The following AK5 variants were observed in gnomAD, a reference collection of about 807,000 sequenced individuals.
AK5 encodes the protein adenylate kinase 5, also known as adenylate kinase isoenzyme 5.
A neutral mutation model predicts 69.5 loss-of-function variants in AK5; 27 were observed. That is an observed-to-expected ratio of 0.39 (90% CI 0.29 to 0.54). The LOEUF is 0.54. Among genes scored for constraint, AK5 ranks in the 20% least tolerant of loss-of-function variants. The pLI, the probability that AK5 is intolerant of heterozygous loss-of-function variation, is 0.71. For missense variants in AK5, 531 were observed against 700.4 expected (o/e 0.76, Z 2.73); for synonymous variants, 260 against 244.4 (o/e 1.06, Z -0.60).
At position 77,521,926 on chromosome 1, in the gene AK5, G is replaced by A. The variant is rs536878720; in HGVS notation, c.1411G>A (p.Glu471Lys). The A allele has an allele frequency of 6.2e-7, 1 of 1,611,884 alleles. No homozygotes were observed. Among genetic ancestry groups the A allele is most frequent in the Non-Finnish European group, 8.5e-7 (1 of 1,179,104 alleles). ...CTATCCTCGGGAGGTGAAGCAAGGG[G>A]AAGAGTTCGGACGCAGGGTGAGTGG... ...DGYPREVKQGEEFGRRIGDPQ... is the reference protein window; with the variant it reads ...DGYPREVKQGKEFGRRIGDPQ... Residue 471 changes from glutamate (E) to lysine (K), a missense_variant, in exon 12 of 14, where the codon GAA (glutamate) becomes AAA (lysine). Transcript: ENST00000354567.
At chr1:77,387,895 A>T (rs1050584532) in intron 6 of AK5, among the ~76,000 whole-genome samples, 1 of 152,206 alleles carries the variant, frequency 6.6e-6, no homozygotes, top group East Asian at 1.9e-4. Context: ...TTTGTTTAAG[A>T]CTGGCTTTCC....
intron 8 of AK5, among the ~76,000 whole-genome samples, chr1:77,442,924 A>AT (rs547786406): frequency 6.6e-6 from 1 of 152,012 alleles, no homozygotes; most frequent in Non-Finnish European, 1.5e-5. Context: ...GGTTTGCAGA[A>AT]TTTTTTTATT....
At chr1:77,419,274 T>C (rs1411084183) in intron 8 of AK5, among the ~76,000 whole-genome samples, 1 of 152,052 alleles carries the variant, frequency 6.6e-6, no homozygotes, top group Non-Finnish European at 1.5e-5. Flanking sequence ...TGCTGACCCA[T>C]AAGACTCCAG....
At chr1:77,509,744 G>A (rs1053620124) in intron 10 of AK5, among the ~76,000 whole-genome samples, 4 of 152,342 alleles carry the variant, frequency 2.6e-5, no homozygotes, top group Middle Eastern at 3.4e-3. Context: ...CTTTAAAGGT[G>A]TTAAAACAGT....
chr1:77,492,636 CA>C (rs1656066603), intron 10 of AK5, among the ~76,000 whole-genome samples: 1 of 152,176 alleles, frequency 6.6e-6, no homozygotes, highest in Non-Finnish European at 1.5e-5. Context: ...AGGAAGATGT[CA>C]GGGGGAAAAT....
chr1:77,311,201 C>T (rs977347305), intron 5 of AK5, among the ~76,000 whole-genome samples: 4 of 152,124 alleles, frequency 2.6e-5, no homozygotes, highest in African/African-American at 9.7e-5. Flanking sequence ...CAACTTAGAA[C>T]ATTCCTTTAC....
chr1:77,284,583 TA>T (rs1330546821), intron 1 of AK5, among the ~76,000 whole-genome samples: 9 of 152,246 alleles, frequency 5.9e-5, no homozygotes, highest in Non-Finnish European at 1.3e-4. Flanking sequence ...TAGACTTTTT[TA>T]AACCCACTTT....
intron 11 of AK5, among the ~76,000 whole-genome samples, chr1:77,521,228 A>C (rs1657965569): frequency 1.3e-5 from 2 of 151,478 alleles, no homozygotes; most frequent in Admixed American, 6.6e-5. Flanking sequence ...CCACCTCCCG[A>C]GTTCAAGCGA....
chr1:77,408,843 A>G (rs929340425), intron 6 of AK5, among the ~76,000 whole-genome samples: 2 of 152,100 alleles, frequency 1.3e-5, no homozygotes, highest in Non-Finnish European at 1.5e-5. Flanking sequence ...TTTGTTATAC[A>G]TATTATTTCA....
rs142649086 is a variant in AK5, at chr1:77,538,360, CA to C, written c.1620+2334del. Among the ~76,000 whole-genome samples the C allele has an allele frequency of 8.7e-3, 1,264 of 144,558 alleles. 8 individuals are homozygous for C. Among genetic ancestry groups the C allele is most frequent in the African/African-American group, 0.021 (806 of 38,412 alleles). The allele number at this position is 144,558 out of a possible 152,430, so 94.8% of individuals were successfully genotyped here. ...TCTCAAAAAAAAACAACAACAACAA[CA>C]AAAAAAAAAAACATAAACAAAAGTG... On this transcript the variant is annotated intron_variant, in intron 13 of 13. Coordinates refer to ENST00000354567, the MANE Select transcript of AK5 (RefSeq NM_174858.3).
At chr1:77,466,460 C>G (rs1301827592) in intron 8 of AK5, among the ~76,000 whole-genome samples, 1 of 152,180 alleles carries the variant, frequency 6.6e-6, no homozygotes, top group Non-Finnish European at 1.5e-5. Flanking sequence ...CATTGCACCC[C>G]CAGCCTGGGC....
chr1:77,288,221 G>A (rs2100643746), intron 2 of AK5, among the ~76,000 whole-genome samples: 1 of 152,266 alleles, frequency 6.6e-6, no homozygotes, highest in African/African-American at 2.4e-5. Flanking sequence ...TCTGAAATAT[G>A]TGCTTATCAG....
intron 6 of AK5, among the ~76,000 whole-genome samples, chr1:77,391,495 G>GTGTGTGTGTATATA (rs1425180466): frequency 3.2e-5 from 2 of 63,450 alleles, no homozygotes; most frequent in Non-Finnish European, 6.4e-5. Flanking sequence ...GTGTGTGTGT[G>GTGTGTGTGTATATA]TATATATATA....
intron 8 of AK5, among the ~76,000 whole-genome samples, chr1:77,424,936 A>G (rs1438111311): frequency 6.6e-6 from 1 of 152,220 alleles, no homozygotes; most frequent in Non-Finnish European, 1.5e-5. Context: ...ATATCAAGCA[A>G]GATAAACGCC....
At chr1:77,300,027 A>G (rs1032561255) in intron 5 of AK5, among the ~76,000 whole-genome samples, 3 of 152,188 alleles carry the variant, frequency 2.0e-5, no homozygotes, top group Non-Finnish European at 2.9e-5. Context: ...TCACTTTAAC[A>G]TATATCTGCT....
chr1:77,529,860 G>T (rs1326185079), intron 12 of AK5, among the ~76,000 whole-genome samples: 1 of 152,062 alleles, frequency 6.6e-6, no homozygotes, highest in Non-Finnish European at 1.5e-5. Flanking sequence ...CATATTAATA[G>T]AAGTAGAATG....
At chr1:77,407,511 G>C (rs543331348) in intron 6 of AK5, among the ~76,000 whole-genome samples, 101 of 152,278 alleles carry the variant, frequency 6.6e-4, no homozygotes, top group South Asian at 1.7e-3. Context: ...AAGGAAAAGG[G>C]ATTCCAAAGG....
At chr1:77,380,011 T>C (rs1280273271) in intron 6 of AK5, among the ~76,000 whole-genome samples, 1 of 152,234 alleles carries the variant, frequency 6.6e-6, no homozygotes, top group African/African-American at 2.4e-5. Flanking sequence ...TTATTAATGA[T>C]AAATCCTGAA....
At chr1:77,520,233 A>G (rs1475231318) in intron 11 of AK5, among the ~76,000 whole-genome samples, 2 of 151,384 alleles carry the variant, frequency 1.3e-5, no homozygotes, top group Non-Finnish European at 2.9e-5. Flanking sequence ...AGAATACCTT[A>G]ACCTTCTGGG....
Sources: allele counts gnomAD v4.1 joint callset (sites outside exome capture counted in the v4.1 genomes callset), GRCh38; gene constraint gnomAD v4.1.1; transcripts MANE v1.5; gene names NCBI Gene and HGNC (gene_info 2026-07-23, HGNC 2026-07-21).